TCF20: variants seen among roughly 807,000 people sequenced by gnomAD.
TCF20 encodes the protein transcription factor 20.
Under a neutral mutation model 148.6 loss-of-function variants are expected in TCF20, and 3 were observed. The observed-to-expected ratio is 0.02, with a 90% CI of 0.01 to 0.05. The LOEUF (loss-of-function observed/expected upper bound fraction) is 0.05. Among genes scored for constraint, TCF20 ranks in the 10% least tolerant of loss-of-function variants. TCF20 has a pLI of 1.00. For missense variants in TCF20, 2,350 were observed against 2,429.3 expected (o/e 0.97, Z 0.69); for synonymous variants, 1,049 against 909.5 (o/e 1.15, Z -2.76).
At chr22:42,258,057 T>C (rs1438751093) in intron 1 of TCF20, among the ~76,000 whole-genome samples, 2 of 152,180 alleles carry the variant, frequency 1.3e-5, no homozygotes, top group Non-Finnish European at 2.9e-5. Flanking sequence ...GCACAAAAAG[T>C]TGTGTCCAAA....
Position 42,315,124 on chromosome 22 carries a change from C to T in TCF20, c.-37+28355G>A, listed in dbSNP as rs186122727. On this transcript the variant is annotated intron_variant, in intron 1 of 1. Coordinates refer to the TCF20 transcript ENST00000515426. ...TGAGGAGACCCAAGCAGGGAGGGGG[C>T]AGACAGGAGGCTGTGGACACCTCTA... Among the ~76,000 whole-genome samples, 356 of 152,152 alleles carry T rather than the reference C, an allele frequency of 2.3e-3. 4 individuals carry two copies. Among genetic ancestry groups the T allele is most frequent in the Non-Finnish European group, 1.1e-3 (78 of 67,990 alleles).
At chr22:42,241,857 G>T (rs576730929) in intron 1 of TCF20, among the ~76,000 whole-genome samples, 23 of 151,734 alleles carry the variant, frequency 1.5e-4, no homozygotes, top group African/African-American at 5.1e-4. Context: ...ATTAGTCAAA[G>T]AGAAGACTGA....
At chr22:42,291,429 GA>G (rs1353787085) in intron 1 of TCF20, among the ~76,000 whole-genome samples, 1 of 152,210 alleles carries the variant, frequency 6.6e-6, no homozygotes, top group Non-Finnish European at 1.5e-5. Flanking sequence ...GACCAGGGTA[GA>G]CAGATGTGTG....
chr22:42,223,252 T>C (rs947963352), intron 1 of TCF20, among the ~76,000 whole-genome samples: 1 of 152,252 alleles, frequency 6.6e-6, no homozygotes, highest in African/African-American at 2.4e-5. Context: ...GAAAAATTAA[T>C]GTAATTTTTT....
intron 3 of TCF20, among the ~76,000 whole-genome samples, chr22:42,172,957 G>A (rs977327581): frequency 1.3e-5 from 2 of 152,170 alleles, no homozygotes; most frequent in African/African-American, 4.8e-5. Flanking sequence ...GAGGCAGACG[G>A]CTGTCCCCCG....
At chr22:42,243,721 C>A (rs1212896241) in intron 1 of TCF20, among the ~76,000 whole-genome samples, 8 of 152,078 alleles carry the variant, frequency 5.3e-5, no homozygotes, top group African/African-American at 1.9e-4. Flanking sequence ...AATAGTGGAA[C>A]CTATGGTTGG....
chr22:42,325,718 G>A (rs1241681075), intron 1 of TCF20, among the ~76,000 whole-genome samples: 1 of 152,166 alleles, frequency 6.6e-6, no homozygotes, highest in African/African-American at 2.4e-5. Context: ...CTGAGGCTAC[G>A]CAGGACAGGG....
chr22:42,265,407 C>T (rs1299006931), intron 1 of TCF20, among the ~76,000 whole-genome samples: 3 of 152,300 alleles, frequency 2.0e-5, no homozygotes, highest in Non-Finnish European at 4.4e-5. Context: ...CTCTCAGGTT[C>T]AAATGATCCT....
At chr22:42,193,511 A>C (rs986287462) in intron 2 of TCF20, among the ~76,000 whole-genome samples, 1 of 151,958 alleles carries the variant, frequency 6.6e-6, no homozygotes, top group Non-Finnish European at 1.5e-5. Context: ...TATTTTTTGT[A>C]GAGATGGCAT....
intron 2 of TCF20, among the ~76,000 whole-genome samples, chr22:42,206,111 T>G (rs1938366641): frequency 6.6e-6 from 1 of 152,148 alleles, no homozygotes; most frequent in Non-Finnish European, 1.5e-5. Flanking sequence ...AGAGATTTGC[T>G]GGGGAAGATT....
intron 2 of TCF20, among the ~76,000 whole-genome samples, chr22:42,197,627 G>A (rs1937668975): frequency 1.3e-5 from 2 of 152,180 alleles, no homozygotes; most frequent in African/African-American, 4.8e-5. Flanking sequence ...CGGCTGGGAT[G>A]AGAAACTTTT....
chr22:42,171,519 G>A lies in TCF20; in HGVS notation c.5750-1623C>T, dbSNP rs1936131441. 2.6e-5 allele frequency among the ~76,000 whole-genome samples: 4 copies of A among 152,192 alleles called. No homozygotes were observed. The South Asian group carries it at 8.3e-4, about 31-fold the overall frequency. On this transcript the variant is annotated intron_variant, in intron 3 of 5. Coordinates refer to ENST00000677622, the MANE Select transcript of TCF20 (RefSeq NM_001378418.1). ...CGTTGGAGCCCATGAGTATCTAAGA[G>A]AGTGGGCGGCAGCCTTCTTGGCTCC...
intron 3 of TCF20, among the ~76,000 whole-genome samples, chr22:42,172,223 A>G (rs1447051692): frequency 1.3e-5 from 2 of 152,248 alleles, no homozygotes; most frequent in African/African-American, 4.8e-5. Flanking sequence ...CGTTCCTGGC[A>G]GGGGCCAGAA....
intron 1 of TCF20, among the ~76,000 whole-genome samples, chr22:42,221,055 T>C (rs1189729660): frequency 6.6e-6 from 1 of 152,182 alleles, no homozygotes; most frequent in African/African-American, 2.4e-5. Flanking sequence ...CAAGCTCTCC[T>C]CTGCAGATCA....
At chr22:42,320,336 C>T (rs1235001945) in intron 1 of TCF20, among the ~76,000 whole-genome samples, 1 of 152,212 alleles carries the variant, frequency 6.6e-6, no homozygotes, top group African/African-American at 2.4e-5. Flanking sequence ...TGCCACTTAG[C>T]AGCTGTGGAC....
At chr22:42,170,852 C>T (rs556938368) in intron 3 of TCF20, among the ~76,000 whole-genome samples, 116 of 152,138 alleles carry the variant, frequency 7.6e-4, no homozygotes, top group African/African-American at 2.6e-3. Flanking sequence ...AATCTAGACG[C>T]GTATTTTCTT....
intron 1 of TCF20, among the ~76,000 whole-genome samples, chr22:42,216,571 G>C (rs1306424727): frequency 1.3e-5 from 2 of 152,306 alleles, no homozygotes; most frequent in Non-Finnish European, 2.9e-5. Context: ...TTAAGCCAGT[G>C]AATAGCAGTG....
intron 2 of TCF20, among the ~76,000 whole-genome samples, chr22:42,208,109 T>C (rs940612257): frequency 1.3e-5 from 2 of 151,580 alleles, no homozygotes; most frequent in African/African-American, 4.8e-5. Flanking sequence ...GCCCAGTGGT[T>C]GGAGGCTGCA....
At chr22:42,258,928 T>A (rs1198663885) in intron 1 of TCF20, among the ~76,000 whole-genome samples, 1 of 152,188 alleles carries the variant, frequency 6.6e-6, no homozygotes, top group Non-Finnish European at 1.5e-5. Context: ...ATTTTACTTT[T>A]CTCTAACAGC....
Sources: gnomAD v4.1 joint callset for allele counts (sites outside exome capture counted in the v4.1 genomes callset) on GRCh38, gnomAD v4.1.1 for gene constraint, MANE v1.5 for transcripts, NCBI Gene and HGNC (gene_info 2026-07-23, HGNC 2026-07-21) for gene names.